The following SACS variants were observed in gnomAD, a reference collection of about 807,000 sequenced individuals.
SACS encodes the protein sacsin.
Under a neutral mutation model 348.0 loss-of-function variants are expected in SACS, and 197 were observed. The observed-to-expected ratio is 0.57, with a 90% confidence interval of 0.50 to 0.64. SACS has a LOEUF of 0.64. Ranked by LOEUF, SACS falls within the 30% of genes least tolerant of loss-of-function variation. The pLI, the probability that SACS is intolerant of heterozygous loss-of-function variation, is 0.00. For missense variants in SACS, 4,999 were observed against 5,360.8 expected (o/e 0.93, Z 2.11); for synonymous variants, 1,985 against 1,910.6 (o/e 1.04, Z -1.02).
intron 9 of SACS, among the ~76,000 whole-genome samples, chr13:23,352,044 A>G (rs897065758): frequency 6.6e-6 from 1 of 152,214 alleles, no homozygotes; most frequent in Non-Finnish European, 1.5e-5. Context: ...CCAGGGCTAG[A>G]GAAGCAAGTT....
At chr13:23,350,315 C>G (rs955447203) in intron 9 of SACS, among the ~76,000 whole-genome samples, 1 of 152,134 alleles carries the variant, frequency 6.6e-6, no homozygotes, top group Non-Finnish European at 1.5e-5. Flanking sequence ...TTTCCGGAAG[C>G]TGGACTATGA....
Position 23,338,217 on chromosome 13 carries a change from T to C in SACS, c.5659A>G (p.Asn1887Asp). Reference protein sequence around the residue: ...RIKTGLPVHINGCFAVTSNRK... With the variant: ...RIKTGLPVHIDGCFAVTSNRK... ...TTTGATGTAACAGCAAAGCACCCAT[T>C]GATATGAACTGGCAAGCCTGTTTTT... The change falls in exon 10 of 10, where the codon AAT becomes GAT. Residue 1887 changes from asparagine (N) to aspartate (D), a missense_variant. By Grantham distance (23) the Asn-to-Asp change is conservative. Coordinates refer to ENST00000382292, the MANE Select transcript of SACS (RefSeq NM_014363.6). 6.2e-7 allele frequency: 1 copy of C among 1,614,130 alleles called. No homozygotes were observed. Among genetic ancestry groups the C allele is most frequent in the Non-Finnish European group, 8.5e-7 (1 of 1,180,004 alleles).
At chr13:23,424,107 C>A (rs995365543) in intron 1 of SACS, among the ~76,000 whole-genome samples, 5 of 152,046 alleles carry the variant, frequency 3.3e-5, no homozygotes, top group Non-Finnish European at 5.9e-5. Flanking sequence ...ATACACATAT[C>A]CACTACTAAT....
Position 23,338,915 on chromosome 13 carries a change from G to C in SACS, c.4961C>G (p.Ala1654Gly). 2 of 1,613,072 alleles carry C rather than the reference G, an allele frequency of 1.2e-6. No individual in the cohort carries two copies. Among genetic ancestry groups the C allele is most frequent in the Non-Finnish European group, 1.7e-6 (2 of 1,179,576 alleles). Reference protein sequence around the residue: ...FRLSFRTQQEAKVSEVSSTCY... With the variant: ...FRLSFRTQQEGKVSEVSSTCY... ...CGTACTACTAACTTCACTCACTTTT[G>C]CTTCCTGTTGAGTTCTAAAGGACAG... The change falls in exon 10 of 10, where the codon GCA becomes GGA. Residue 1654 changes from alanine (A) to glycine (G), a missense_variant. Around this residue, in one of 6 missense-constraint regions of SACS, gnomAD observed 3,156 missense variants for 3,380.1 expected, o/e 0.93. Coordinates refer to ENST00000382292, the MANE Select transcript of SACS (RefSeq NM_014363.6).
At position 23,333,980 on chromosome 13, in the gene SACS, T is replaced by C; in HGVS notation, c.9896A>G (p.Asp3299Gly). 6.2e-7 allele frequency: 1 copy of C among 1,613,890 alleles called. No individual in the cohort carries two copies. Among genetic ancestry groups the C allele is most frequent in the Non-Finnish European group, 8.5e-7 (1 of 1,179,844 alleles). The change falls in exon 10 of 10, where the codon GAT (aspartate) becomes GGT (glycine). Residue 3299 changes from aspartate (D) to glycine (G), a missense_variant. This residue lies in a region of SACS where 734 missense variants were observed against 694.0 expected (regional missense o/e 1.06). Transcript: ENST00000382292. ...SANQLVVPEG[D>G]VLLPLSLMHI... ...CATAAGGCTGAGAGGAAGCAGAACA[T>C]CTCCTTCAGGAACCACAAGCTGGTT...
intron 7 of SACS, among the ~76,000 whole-genome samples, chr13:23,357,978 T>G (rs1020256408): frequency 6.6e-6 from 1 of 152,236 alleles, no homozygotes; most frequent in African/African-American, 2.4e-5. Flanking sequence ...AGATCTGTGA[T>G]ACTCAGTTTG....
Position 23,337,928 on chromosome 13 carries a change from GA to G in SACS, c.5947del (p.Ser1983LeufsTer6). On this transcript the variant is annotated frameshift_variant, in exon 10 of 10. Coordinates refer to ENST00000382292, the MANE Select transcript of SACS (RefSeq NM_014363.6). LOFTEE classifies it high-confidence loss of function. ...KELTKVFSDG[S>X]TWVSMKNVRF... ...TACGTTCTTCATGGAAACCCAAGTA[GA>G]TCCATCAGAGAAGACTTTGGTCAGT... The G allele has an allele frequency of 6.2e-7, 1 of 1,613,978 alleles. No individual in the cohort carries two copies. Among genetic ancestry groups the G allele is most frequent in the Non-Finnish European group, 8.5e-7 (1 of 1,179,940 alleles).
intron 7 of SACS, among the ~76,000 whole-genome samples, chr13:23,356,943 AGT>A (rs1446501275): frequency 1.3e-5 from 2 of 152,222 alleles, no homozygotes; most frequent in African/African-American, 4.8e-5. Context: ...ATCCATGGAC[AGT>A]GGGGTCTAGG....
rs745653286 is a variant in SACS, at chr13:23,338,179, G to A, written c.5697C>T (p.Ile1899=). The change falls in exon 10 of 10, where the codon ATC becomes ATT. Residue 1899 remains isoleucine, a synonymous_variant. Transcript: ENST00000382292. ...CFAVTSNRKE[I]WKTDTKGRWN... is the part of the protein sequence containing the mutation. Reference sequence around the variant, plus strand: ...ATCGTCCTTTTGTATCTGTTTTCCAGATTTCTTTCCTATTTGATGTAACAG... The same window carrying A: ...ATCGTCCTTTTGTATCTGTTTTCCAAATTTCTTTCCTATTTGATGTAACAG... 6.2e-7 allele frequency: 1 copy of A among 1,614,080 alleles called. No homozygotes were observed. The highest frequency in any genetic ancestry group is 1.1e-5 in the South Asian group (1 of 91,080).
In SACS at chr13:23,368,762, G is replaced by A. The variant is rs190195791; in HGVS notation, c.260-275C>T. ...CGCCCAAGCTGAAGTGCAGTCGTGT[G>A]ATCTCCCCTCACTGCAAGCTCCACC... On this transcript the variant is annotated intron_variant, in intron 4 of 9. Coordinates refer to ENST00000382292, the MANE Select transcript of SACS (RefSeq NM_014363.6). Among the ~76,000 whole-genome samples, 12 of 152,226 alleles carry A rather than the reference G, an allele frequency of 7.9e-5. No homozygotes were observed. In the East Asian group the frequency reaches 1.4e-3, roughly 17 times the overall value.
At chr13:23,364,540 C>CA (rs1243126760) in intron 6 of SACS, among the ~76,000 whole-genome samples, 5 of 152,174 alleles carry the variant, frequency 3.3e-5, no homozygotes, top group Non-Finnish European at 5.9e-5. Flanking sequence ...CTCAGCCTCC[C>CA]AAAGTGCTAG....
intron 2 of SACS, among the ~76,000 whole-genome samples, chr13:23,381,594 A>T (rs1429429136): frequency 6.6e-6 from 1 of 151,998 alleles, no homozygotes; most frequent in Non-Finnish European, 1.5e-5. Context: ...TCTGCCCTTT[A>T]TTTTGTTTTG....
At chr13:23,347,262 C>T (rs537897655) in intron 9 of SACS, among the ~76,000 whole-genome samples, 1 of 152,018 alleles carries the variant, frequency 6.6e-6, no homozygotes, top group African/African-American at 2.4e-5. Context: ...ACAAAGTGTA[C>T]AATTAATTCC....
chr13:23,432,572 C>T (rs1237465931), intron 1 of SACS, among the ~76,000 whole-genome samples: 1 of 152,096 alleles, frequency 6.6e-6, no homozygotes, highest in Non-Finnish European at 1.5e-5. Context: ...CCTGCATTAA[C>T]GTAGAATGAG....
At chr13:23,367,411 T>A (rs1871124235) in intron 5 of SACS, among the ~76,000 whole-genome samples, 1 of 152,090 alleles carries the variant, frequency 6.6e-6, no homozygotes, top group East Asian at 1.9e-4. Context: ...CTAGAAAATA[T>A]AACCAGGGCC....
chr13:23,428,296 C>T (rs1874274999), intron 1 of SACS: 1 of 152,204 alleles, frequency 6.6e-6, no homozygotes, highest in Non-Finnish European at 1.5e-5. Context: ...GCCCACAGAA[C>T]GCCTCCATGG....
Position 23,331,509 on chromosome 13 carries a change from T to C in SACS, c.12367A>G (p.Met4123Val), listed in dbSNP as rs772068772. Residue 4123 changes from methionine (M) to valine (V), a missense_variant, in exon 10 of 10, where the codon ATG becomes GTG. By Grantham distance (21) the Met-to-Val change is conservative (BLOSUM62 1). Transcript: ENST00000382292. ...CTGTAAATATCATTGCATCCTAGCA[T>C]AGCAATTAAATATGAAGTGTCAGAA... Reference protein sequence around the residue: ...LISDTSYLIAMLGCNDIYRIG... With the variant: ...LISDTSYLIAVLGCNDIYRIG... 29 of 1,613,796 alleles carry C rather than the reference T, an allele frequency of 1.8e-5. No homozygotes were observed. The highest frequency in any genetic ancestry group is 8.0e-5 in the African/African-American group (6 of 74,916).
At chr13:23,362,420 G>C (rs1371917143) in intron 6 of SACS, among the ~76,000 whole-genome samples, 2 of 152,064 alleles carry the variant, frequency 1.3e-5, no homozygotes, top group Non-Finnish European at 2.9e-5. Flanking sequence ...GTGAAACAAA[G>C]TGCCAGTAAA....
At chr13:23,421,259 C>T (rs1423853960) in intron 1 of SACS, among the ~76,000 whole-genome samples, 1 of 151,434 alleles carries the variant, frequency 6.6e-6, no homozygotes, top group African/African-American at 2.4e-5. Flanking sequence ...TAGATATCCA[C>T]CTGGGTCCTG....
Sources: gnomAD v4.1 joint callset for allele counts (sites outside exome capture counted in the v4.1 genomes callset) on GRCh38, gnomAD v4.1.1 for gene constraint, gnomAD v4.1.1 regional missense constraint, MANE v1.5 for transcripts, NCBI Gene and HGNC (gene_info 2026-07-23, HGNC 2026-07-21) for gene names.